The following TNNI3K variants were observed in gnomAD, a reference collection of about 807,000 sequenced individuals.
The protein encoded by TNNI3K is TNNI3 interacting kinase, also known as serine/threonine-protein kinase TNNI3K.
A neutral mutation model predicts 114.5 loss-of-function variants in TNNI3K; 140 were observed. The observed-to-expected ratio is 1.22, with a 90% CI of 1.07 to 1.41. TNNI3K has a LOEUF of 1.41. TNNI3K is among the 40% of genes most tolerant of loss of function. The pLI is 0.00. For missense variants in TNNI3K, 1,125 were observed against 1,007.6 expected, an observed-to-expected ratio of 1.12 and a Z score of -1.58; for synonymous variants, 347 against 347.5, an observed-to-expected ratio of 1.00 and a Z score of 0.02.
chr1:74,521,516 G>GTATATATATATATATACACATATA (rs45531434), intron 23 of TNNI3K, among the ~76,000 whole-genome samples: 6 of 150,520 alleles, frequency 4.0e-5, no homozygotes, highest in Admixed American at 2.0e-4. Flanking sequence ...GTGTGTATGT[G>GTATATATATATATATACACATATA]TATATATATA....
intron 23 of TNNI3K, among the ~76,000 whole-genome samples, chr1:74,498,637 AT>A (rs1669455873): frequency 6.6e-6 from 1 of 152,090 alleles, no homozygotes; most frequent in South Asian, 2.1e-4. Flanking sequence ...TGGCATTCAG[AT>A]TTTTTTGACT....
chr1:74,470,652 T>A (rs1340777216), intron 21 of TNNI3K: 3 of 400,608 alleles, frequency 7.5e-6, no homozygotes, highest in Non-Finnish European at 1.3e-5. Flanking sequence ...CATCATTTTC[T>A]TCCTTATCCA....
intron 21 of TNNI3K, among the ~76,000 whole-genome samples, chr1:74,485,457 G>T (rs543387207): frequency 6.6e-6 from 1 of 152,128 alleles, no homozygotes; most frequent in Admixed American, 6.5e-5. Context: ...CTTTTTCCAG[G>T]ATCTCCTCTC....
intron 19 of TNNI3K, chr1:74,439,012 C>A (rs1570620689): frequency 6.6e-6 from 1 of 152,264 alleles, no homozygotes. Flanking sequence ...TTAGTAACTT[C>A]CTAAATTACA....
At chr1:74,240,834 A>C (rs1227932931) in intron 2 of TNNI3K, 1 of 150,952 alleles carries the variant, frequency 6.6e-6, no homozygotes, top group Admixed American at 6.6e-5. Flanking sequence ...CACAACATGC[A>C]GGTTAGTTAC....
rs547053295 is a variant in TNNI3K, at chr1:74,235,614, T to A, written c.40+123T>A. ...ACGGAAGATAAGGCAGCATGTTTTGTGAAAGTCTTTGAAAAACTATCTGAA... is the reference window on the plus strand; with the variant it reads ...ACGGAAGATAAGGCAGCATGTTTTGAGAAAGTCTTTGAAAAACTATCTGAA... On this transcript the variant is annotated intron_variant, in intron 1 of 24. Transcript: ENST00000326637. 1.7e-4 allele frequency: 88 copies of A among 509,060 alleles called. 3 individuals are homozygous for A. In the South Asian group the frequency reaches 3.4e-3, roughly 20 times the overall value. The allele number at this position is 509,060 out of a possible 1,614,324, so 31.5% of individuals were successfully genotyped here.
intron 5 of TNNI3K, among the ~76,000 whole-genome samples, chr1:74,297,298 T>C (rs1358700452): frequency 6.6e-6 from 1 of 152,148 alleles, no homozygotes; most frequent in Admixed American, 6.5e-5. Context: ...ACACTGGTAT[T>C]CCCCCTGATA....
chr1:74,460,256 ATGC>A (rs1667400020), intron 20 of TNNI3K, among the ~76,000 whole-genome samples: 1 of 152,002 alleles, frequency 6.6e-6, no homozygotes, highest in African/African-American at 2.4e-5. Flanking sequence ...TTTAGTAGAG[ATGC>A]GGTTTCACCG....
chr1:74,347,056 T>A (rs531252153), intron 9 of TNNI3K, among the ~76,000 whole-genome samples: 2 of 152,100 alleles, frequency 1.3e-5, no homozygotes, highest in East Asian at 3.9e-4. Flanking sequence ...ACGGGCAGGT[T>A]TGTTACATAT....
At position 74,253,699 on chromosome 1, in the gene TNNI3K, C is replaced by A. The variant is rs929871760; in HGVS notation, c.333+2930C>A. ...ACTCTAGCTGGGCCGCAAGCCCCGC[C>A]GTGCGGCCCCAGTTCCTGCCCGTGC... On this transcript the variant is annotated intron_variant, in intron 4 of 24. Transcript: ENST00000326637. Among the ~76,000 whole-genome samples, 13 of 152,230 alleles carry A rather than the reference C, an allele frequency of 8.5e-5. No homozygotes were observed. In the East Asian group the frequency reaches 1.2e-3, roughly 14 times the overall value.
chr1:74,359,930 G>T (rs1661866211), intron 11 of TNNI3K, among the ~76,000 whole-genome samples: 1 of 151,686 alleles, frequency 6.6e-6, no homozygotes, highest in Non-Finnish European at 1.5e-5. Context: ...TATTCAATCA[G>T]CCATTTAATG....
intron 23 of TNNI3K, among the ~76,000 whole-genome samples, chr1:74,528,935 A>T (rs1570746023): frequency 6.6e-6 from 1 of 152,318 alleles, no homozygotes; most frequent in Non-Finnish European, 1.5e-5. Flanking sequence ...AACATCTTGC[A>T]CCAGAAAGGA....
At chr1:74,256,245 G>GTTTTT (rs1423418466) in intron 4 of TNNI3K, among the ~76,000 whole-genome samples, 1 of 117,006 alleles carries the variant, frequency 8.5e-6, no homozygotes, top group Non-Finnish European at 1.7e-5. Context: ...GAGAGCTGTA[G>GTTTTT]TTTTTTCACA....
rs1667538945 is a variant in TNNI3K at position 74,463,497 on chromosome 1, A to T, written c.2068A>T (p.Ile690Phe). ...CATCAGACCTCCCATTGGCTATTCC[A>T]TTCCCAAGCCCATATCATCTCTGCT... The part of the protein sequence containing the change: ...HHIRPPIGYS[I>F]PKPISSLLIR... Residue 690 changes from isoleucine (I) to phenylalanine (F), a missense_variant, in exon 21 of 25, where the codon ATT becomes TTT. Transcript: ENST00000326637. The T allele has an allele frequency of 6.2e-7, 1 of 1,614,090 alleles. No individual in the cohort carries two copies. Among genetic ancestry groups the T allele is most frequent in the Non-Finnish European group, 8.5e-7 (1 of 1,180,042 alleles).
At chr1:74,468,766 T>A (rs1342619258) in intron 21 of TNNI3K, among the ~76,000 whole-genome samples, 2 of 151,880 alleles carry the variant, frequency 1.3e-5, no homozygotes, top group African/African-American at 4.8e-5. Context: ...AGAGGAAGTT[T>A]GTTTCCCTTT....
intron 23 of TNNI3K, among the ~76,000 whole-genome samples, chr1:74,498,341 G>A (rs1211268540): frequency 6.6e-6 from 1 of 152,006 alleles, no homozygotes; most frequent in African/African-American, 2.4e-5. Context: ...TTTTCTGGGG[G>A]CTACCCCATC....
intron 3 of TNNI3K, among the ~76,000 whole-genome samples, 169 bp downstream of exon 3, chr1:74,249,713 A>C (rs1325295731): frequency 2.0e-5 from 3 of 152,204 alleles, no homozygotes; most frequent in Non-Finnish European, 4.4e-5. Flanking sequence ...ATCAGGCAGA[A>C]TATTCCAATT....
At chr1:74,329,288 A>T (rs1660076462) in intron 5 of TNNI3K, among the ~76,000 whole-genome samples, 1 of 152,026 alleles carries the variant, frequency 6.6e-6, no homozygotes, top group African/African-American at 2.4e-5. Context: ...CCACTGATAC[A>T]CTTGTTTCTG....
At chr1:74,481,551 C>T (rs1668503262) in intron 21 of TNNI3K, among the ~76,000 whole-genome samples, 1 of 152,240 alleles carries the variant, frequency 6.6e-6, no homozygotes, top group Non-Finnish European at 1.5e-5. Flanking sequence ...TCAATCCAGA[C>T]AACCCAAGTA....
Sources: allele counts gnomAD v4.1 joint callset (sites outside exome capture counted in the v4.1 genomes callset), GRCh38; gene constraint gnomAD v4.1.1; transcripts MANE v1.5; gene names NCBI Gene and HGNC (gene_info 2026-07-23, HGNC 2026-07-21).